Variants in PPP1CB observed in about 807,000 individuals in gnomAD.
The protein encoded by PPP1CB is serine/threonine-protein phosphatase PP1-beta catalytic subunit.
PPP1CB carries 2 observed loss-of-function variants against 43.7 expected under a neutral mutation model. The ratio of observed to expected loss-of-function variants is 0.05; its 90% CI spans 0.02 to 0.14. The LOEUF is 0.14. Among genes scored for constraint, PPP1CB ranks in the 10% least tolerant of loss-of-function variants. The pLI, the probability that PPP1CB is intolerant of heterozygous loss-of-function variation, is 1.00. For missense variants in PPP1CB, 84 were observed against 398.0 expected, an observed-to-expected ratio of 0.21 and a Z score of 6.71; for synonymous variants, 136 against 135.6, an observed-to-expected ratio of 1.00 and a Z score of -0.02.
intron 1 of PPP1CB, among the ~76,000 whole-genome samples, chr2:28,760,845 C>T (rs949739078): frequency 6.6e-6 from 1 of 152,106 alleles, no homozygotes; most frequent in African/African-American, 2.4e-5. Context: ...TTGAATTGAG[C>T]GTTTTATTTA....
chr2:28,767,084 A>C (rs1234623296), intron 1 of PPP1CB, among the ~76,000 whole-genome samples: 1 of 152,048 alleles, frequency 6.6e-6, no homozygotes, highest in Non-Finnish European at 1.5e-5. Flanking sequence ...CCATCTCAAA[A>C]AAAAAAAAAA....
At chr2:28,769,201 T>C (rs1268053143) in intron 1 of PPP1CB, among the ~76,000 whole-genome samples, 6 of 152,222 alleles carry the variant, frequency 3.9e-5, no homozygotes, top group Non-Finnish European at 5.9e-5. Context: ...TGGTGTTCTC[T>C]TTAAAGCACT....
intron 1 of PPP1CB, among the ~76,000 whole-genome samples, chr2:28,766,515 C>G (rs1666779824): frequency 2.6e-5 from 4 of 152,184 alleles, no homozygotes; most frequent in African/African-American, 9.7e-5. Context: ...GCAGATTACA[C>G]TTCAGGTTGT....
At chr2:28,781,911 A>G in intron 4 of PPP1CB, 69 bp downstream of exon 4, 2 of 1,071,656 alleles carry the variant, frequency 1.9e-6, no homozygotes, top group Admixed American at 1.8e-5. Context: ...TATAATAATC[A>G]AGAGGCTGTG....
intron 5 of PPP1CB, among the ~76,000 whole-genome samples, chr2:28,784,183 TATAGTC>T (rs1667212856): frequency 6.6e-6 from 1 of 152,236 alleles, no homozygotes; most frequent in African/African-American, 2.4e-5. Context: ...CCTTTTTATT[TATAGTC>T]ATAATGTAGT....
intron 1 of PPP1CB, among the ~76,000 whole-genome samples, chr2:28,754,529 A>G (rs527554000): frequency 1.3e-4 from 20 of 152,220 alleles, no homozygotes; most frequent in African/African-American, 4.1e-4. Flanking sequence ...TCTCTGTCCT[A>G]TGTTCAGCAC....
At position 28,752,095 on chromosome 2, in the gene PPP1CB, C is replaced by T. The variant is rs1022919744; in HGVS notation, c.-30C>T. The T allele has an allele frequency of 1.3e-6, 2 of 1,549,282 alleles. No individual in the cohort carries two copies. The highest frequency in any genetic ancestry group is 1.4e-5 in the African/African-American group (1 of 72,802). On this transcript the variant is annotated 5_prime_UTR_variant, in exon 1 of 8. Transcript: ENST00000395366. ...CGCCGCCGAGAAGCCCTTGTTCCCG[C>T]TGCTGGGAAGGAGAGTCTGTGCCGA... is the stretch of plus-strand genomic sequence containing the variant.
intron 1 of PPP1CB, among the ~76,000 whole-genome samples, chr2:28,775,059 T>C (rs1667005152): frequency 6.6e-6 from 1 of 152,128 alleles, no homozygotes; most frequent in African/African-American, 2.4e-5. Flanking sequence ...TTAAAGCCTC[T>C]TATTGACCTG....
chr2:28,787,107 AC>A (rs902887079), intron 5 of PPP1CB, among the ~76,000 whole-genome samples: 19 of 152,126 alleles, frequency 1.2e-4, no homozygotes. Flanking sequence ...TTCCTCCTAA[AC>A]CATACTATGA....
intron 1 of PPP1CB, among the ~76,000 whole-genome samples, chr2:28,760,708 G>A (rs1318874461): frequency 1.3e-5 from 2 of 152,140 alleles, no homozygotes; most frequent in Non-Finnish European, 2.9e-5. Flanking sequence ...TAAAAGGTTA[G>A]GTATATTGGG....
At chr2:28,787,464 A>AAT (rs1553311436) in intron 5 of PPP1CB, among the ~76,000 whole-genome samples, 6 of 152,244 alleles carry the variant, frequency 3.9e-5, no homozygotes, top group East Asian at 1.9e-4. Flanking sequence ...GTCTCAAAAA[A>AAT]ATATATATGT....
chr2:28,784,726 C>G (rs982093097), intron 5 of PPP1CB, among the ~76,000 whole-genome samples: 9 of 151,836 alleles, frequency 5.9e-5, no homozygotes, highest in African/African-American at 2.2e-4. Context: ...CCAGACCAGC[C>G]TGGCCAACGT....
chr2:28,786,357 G>C (rs540066101), intron 5 of PPP1CB, among the ~76,000 whole-genome samples: 2 of 151,958 alleles, frequency 1.3e-5, no homozygotes, highest in South Asian at 2.1e-4. Context: ...CTGGTGATCC[G>C]CCCACCTCGG....
chr2:28,752,319 A>G (rs1666324467), intron 1 of PPP1CB, 143 bp downstream of exon 1: 2 of 809,852 alleles, frequency 2.5e-6, no homozygotes, highest in Non-Finnish European at 3.7e-6. Flanking sequence ...GGACGAACCG[A>G]GGAGGGGGCG....
intron 3 of PPP1CB, among the ~76,000 whole-genome samples, chr2:28,779,616 A>G (rs1334690963): frequency 6.6e-6 from 1 of 152,184 alleles, no homozygotes; most frequent in Non-Finnish European, 1.5e-5. Context: ...ACTAGGTTCA[A>G]ATATGGTCTT....
chr2:28,798,803 A>G (rs943998453), intron 7 of PPP1CB, among the ~76,000 whole-genome samples: 1 of 152,082 alleles, frequency 6.6e-6, no homozygotes, highest in African/African-American at 2.4e-5. Context: ...AGATCTATTT[A>G]TACATAAATA....
intron 1 of PPP1CB, among the ~76,000 whole-genome samples, chr2:28,772,091 G>A (rs1324033073): frequency 6.6e-6 from 1 of 152,122 alleles, no homozygotes; most frequent in African/African-American, 2.4e-5. Context: ...CCAAGGCGGG[G>A]AGATTATTTG....
rs753650820 is a variant in PPP1CB, at chr2:28,783,888, C to T, written c.521-19C>T. Reference sequence around the variant, plus strand: ...AAATTTTTAGCTGTTAGTACTATGTCTCATCTTTTTATTTATAGGATTGTC... The same window carrying T: ...AAATTTTTAGCTGTTAGTACTATGTTTCATCTTTTTATTTATAGGATTGTC... On this transcript the variant is annotated intron_variant, in intron 4 of 7. Coordinates refer to ENST00000395366, the MANE Select transcript of PPP1CB (RefSeq NM_002709.3). The T allele has an allele frequency of 6.3e-7, 1 of 1,587,620 alleles. No homozygotes were observed. The highest frequency in any genetic ancestry group is 8.6e-7 in the Non-Finnish European group (1 of 1,156,908).
chr2:28,787,171 T>C (rs773902095), intron 5 of PPP1CB, among the ~76,000 whole-genome samples: 2 of 152,148 alleles, frequency 1.3e-5, no homozygotes, highest in South Asian at 2.1e-4. Flanking sequence ...TTAAAAATTA[T>C]CTTCTTGGCT....
Sources: gnomAD v4.1 joint callset for allele counts (sites outside exome capture counted in the v4.1 genomes callset) on GRCh38, gnomAD v4.1.1 for gene constraint, MANE v1.5 for transcripts, NCBI Gene and HGNC (gene_info 2026-07-23, HGNC 2026-07-21) for gene names.